The following CDA variants were observed in gnomAD, a reference collection of about 807,000 sequenced individuals.
CDA encodes cytidine aminohydrolase.
A neutral mutation model predicts 15.0 loss-of-function variants in CDA; 7 were observed. The ratio of observed to expected loss-of-function variants is 0.47; its 90% CI spans 0.26 to 0.87. The LOEUF (loss-of-function observed/expected upper bound fraction) is 0.87. Ranked by LOEUF, CDA falls within the 40% of genes least tolerant of loss-of-function variation. The pLI, the probability that CDA is intolerant of heterozygous loss-of-function variation, is 0.15. For synonymous variants in CDA, 58 were observed against 73.0 expected (o/e 0.79, Z 1.05); for missense variants, 159 against 182.7 (o/e 0.87, Z 0.75).
intron 3 of CDA, among the ~76,000 whole-genome samples, chr1:20,617,704 T>A (rs1035228553): frequency 7.3e-4 from 111 of 151,732 alleles, no homozygotes; most frequent in African/African-American, 2.2e-3. Flanking sequence ...TTTATTTTTT[T>A]TTTTTTTTGA....
chr1:20,611,924 A>G (rs2052756132), intron 2 of CDA, among the ~76,000 whole-genome samples: 1 of 151,994 alleles, frequency 6.6e-6, no homozygotes, highest in Non-Finnish European at 1.5e-5. Context: ...GTGCGGTGGC[A>G]CAATCACAGT....
intron 1 of CDA, among the ~76,000 whole-genome samples, chr1:20,594,603 C>T (rs1438256142): frequency 1.3e-5 from 2 of 151,906 alleles, no homozygotes; most frequent in Admixed American, 6.6e-5. Context: ...GCCTGGCCAA[C>T]ATGGTAAAAC....
Position 20,613,837 on chromosome 1 carries a change from C to T in CDA, c.267-5C>T, listed in dbSNP as rs757791979. ...TAATTTGAGTTTGATTCTTTGCTTC[C>T]CCAGTGACATGCAAGATGATTTTAT... On this transcript the variant is annotated splice_region_variant and splice_polypyrimidine_tract_variant and intron_variant, in intron 2 of 3. Transcript: ENST00000375071. 2.5e-6 allele frequency: 4 copies of T among 1,613,722 alleles called. No homozygotes were observed. Among genetic ancestry groups the T allele is most frequent in the East Asian group, 2.2e-5 (1 of 44,884 alleles).
chr1:20,617,075 C>T (rs2052819444), intron 3 of CDA, among the ~76,000 whole-genome samples: 1 of 152,156 alleles, frequency 6.6e-6, no homozygotes. Context: ...GTTGACCCCA[C>T]CTCCAGGGCT....
chr1:20,599,771 T>A (rs978098167), intron 1 of CDA, among the ~76,000 whole-genome samples: 1 of 152,204 alleles, frequency 6.6e-6, no homozygotes, highest in Admixed American at 6.5e-5. Context: ...CACCAAAGCC[T>A]TGATTTTTAT....
chr1:20,589,182 T>G lies in CDA; in HGVS notation c.53T>G (p.Leu18Arg). 1.9e-6 allele frequency: 3 copies of G among 1,614,142 alleles called. No individual in the cohort carries two copies. The highest frequency in any genetic ancestry group is 2.5e-6 in the Non-Finnish European group (3 of 1,179,994). Reference protein sequence around the residue: ...CTLKPECVQQLLVCSQEAKKS... With the variant: ...CTLKPECVQQRLVCSQEAKKS... ...CTGAAGCCTGAGTGTGTCCAGCAGC[T>G]GCTGGTTTGCTCCCAGGAGGCCAAG... Residue 18 changes from leucine to arginine, a missense_variant, in exon 1 of 4, where the codon CTG (leucine) becomes CGG (arginine). Transcript: ENST00000375071.
chr1:20,608,705 C>T (rs1440528747), intron 2 of CDA, among the ~76,000 whole-genome samples: 2 of 152,206 alleles, frequency 1.3e-5, no homozygotes, highest in Non-Finnish European at 1.5e-5. Context: ...CAACCGCATT[C>T]AGCCTCAAAC....
intron 2 of CDA, among the ~76,000 whole-genome samples, chr1:20,612,841 G>A (rs2052765556): frequency 6.6e-6 from 1 of 151,086 alleles, no homozygotes. Flanking sequence ...TACTCGGGAG[G>A]TTGAGGCAGG....
At chr1:20,613,818 G>A in intron 2 of CDA, 24 bp from the exon 3 acceptor site, 2 of 1,610,950 alleles carry the variant, frequency 1.2e-6, no homozygotes, top group Non-Finnish European at 1.7e-6. Flanking sequence ...AGACTAATTT[G>A]AGTTTGATTC....
rs746108132 is a variant in CDA at position 20,589,124 on chromosome 1, A to G, written c.-6A>G. On this transcript the variant is annotated 5_prime_UTR_variant, in exon 1 of 4. Coordinates refer to ENST00000375071, the MANE Select transcript of CDA (RefSeq NM_001785.3). Reference sequence around the variant, plus strand: ...CGCTGCTCTGCTGCCTGCCCGGGGTACCAACATGGCCCAGAAGCGTCCTGC... The same window carrying G: ...CGCTGCTCTGCTGCCTGCCCGGGGTGCCAACATGGCCCAGAAGCGTCCTGC... The G allele has an allele frequency of 6.2e-7, 1 of 1,613,978 alleles. No homozygotes were observed. Among genetic ancestry groups the G allele is most frequent in the Non-Finnish European group, 8.5e-7 (1 of 1,179,978 alleles).
At chr1:20,612,687 C>G (rs1244928691) in intron 2 of CDA, among the ~76,000 whole-genome samples, 4 of 151,734 alleles carry the variant, frequency 2.6e-5, no homozygotes, top group Admixed American at 6.6e-5. Context: ...TGGGGCGGGG[C>G]GGGGTGGCTC....
intron 2 of CDA, among the ~76,000 whole-genome samples, chr1:20,605,877 G>A (rs1316057192): frequency 8.0e-6 from 1 of 124,952 alleles, no homozygotes; most frequent in Admixed American, 7.8e-5. Context: ...GGTCTTCACC[G>A]GCAAGTAATT....
intron 1 of CDA, among the ~76,000 whole-genome samples, chr1:20,603,870 T>C (rs1471719992): frequency 6.6e-6 from 1 of 152,110 alleles, no homozygotes; most frequent in African/African-American, 2.4e-5. Context: ...TCTTGCCTCC[T>C]AGGAGCAGCC....
chr1:20,601,858 G>A (rs879736915), intron 1 of CDA, among the ~76,000 whole-genome samples: 15 of 152,088 alleles, frequency 9.9e-5, no homozygotes, highest in Admixed American at 3.3e-4. Flanking sequence ...GCTGGGCACC[G>A]TGGCTCACAC....
At chr1:20,596,320 G>T (rs762083641) in intron 1 of CDA, among the ~76,000 whole-genome samples, 1 of 152,142 alleles carries the variant, frequency 6.6e-6, no homozygotes, top group Non-Finnish European at 1.5e-5. Flanking sequence ...CATTCCTCAC[G>T]TGATTCTCAA....
intron 2 of CDA, among the ~76,000 whole-genome samples, chr1:20,613,129 GCCT>G (rs1015993617): frequency 6.6e-6 from 1 of 151,974 alleles, no homozygotes; most frequent in East Asian, 1.9e-4. Flanking sequence ...CAGGACACAT[GCCT>G]CCTCCTCCAT....
Position 20,604,107 on chromosome 1 carries a change from A to G in CDA, c.155-821A>G, listed in dbSNP as rs549637459. On this transcript the variant is annotated intron_variant, in intron 1 of 3. Coordinates refer to ENST00000375071, the MANE Select transcript of CDA (RefSeq NM_001785.3). ...TGACAGTGTGTTTGTTTTGCAACACAACTGACACAGAACCCTGGCTGAACT... is the reference window on the plus strand; with the variant it reads ...TGACAGTGTGTTTGTTTTGCAACACGACTGACACAGAACCCTGGCTGAACT... Among the ~76,000 whole-genome samples the G allele has an allele frequency of 6.2e-4, 94 of 151,934 alleles. 1 individual carries two copies. The highest frequency in any genetic ancestry group is 2.1e-3 in the African/African-American group (88 of 41,178).
At chr1:20,610,271 T>A (rs1009409185) in intron 2 of CDA, among the ~76,000 whole-genome samples, 2 of 141,878 alleles carry the variant, frequency 1.4e-5, no homozygotes, top group Non-Finnish European at 3.1e-5. Context: ...CTTTTTTTTT[T>A]TTATTTTATT....
chr1:20,608,103 G>C (rs2052710968), intron 2 of CDA, among the ~76,000 whole-genome samples: 1 of 152,214 alleles, frequency 6.6e-6, no homozygotes, highest in Non-Finnish European at 1.5e-5. Context: ...GGGCAGGGTA[G>C]AGGGAGAAAG....
Sources: gnomAD v4.1 joint callset for allele counts (sites outside exome capture counted in the v4.1 genomes callset) on GRCh38, gnomAD v4.1.1 for gene constraint, MANE v1.5 for transcripts, NCBI Gene and HGNC (gene_info 2026-07-23, HGNC 2026-07-21) for gene names.